The following PCDHA1 variants were observed in gnomAD, a reference collection of about 807,000 sequenced individuals.
PCDHA1 encodes protocadherin alpha-1.
A neutral mutation model predicts 61.3 loss-of-function variants in PCDHA1; 42 were observed. That is an observed-to-expected ratio of 0.69 (90% CI 0.54 to 0.89). The LOEUF is 0.89. Among genes scored for constraint, PCDHA1 ranks in the 40% least tolerant of loss-of-function variants. The probability of loss-of-function intolerance (pLI) is 0.00; values close to 1 mark genes in which losing one functional copy is unlikely to be tolerated. For synonymous variants in PCDHA1, 610 were observed against 553.8 expected (o/e 1.10, Z -1.43); for missense variants, 1,256 against 1,235.3 (o/e 1.02, Z -0.25).
At chr5:140,883,888 T>C (rs781919107) in intron 1 of PCDHA1, 12 of 1,612,946 alleles carry the variant, frequency 7.4e-6, no homozygotes, top group African/African-American at 5.4e-5. Flanking sequence ...CGCGCGACTC[T>C]GGCGTGCCGC....
intron 3 of PCDHA1, among the ~76,000 whole-genome samples, chr5:140,986,211 C>T (rs1257937611): frequency 1.3e-5 from 2 of 152,126 alleles, no homozygotes; most frequent in African/African-American, 2.4e-5. Flanking sequence ...GATTACTGGC[C>T]CCTTTCTCTA....
intron 1 of PCDHA1, among the ~76,000 whole-genome samples, chr5:140,961,327 AGAGACCAAGAGTG>A (rs1375426442): frequency 6.6e-6 from 1 of 152,206 alleles, no homozygotes. Context: ...CTGTTTCTTG[AGAGACCAAGAGTG>A]GATCCCTGTA....
intron 1 of PCDHA1, among the ~76,000 whole-genome samples, chr5:140,912,990 T>C (rs2076154668): frequency 6.6e-6 from 1 of 152,198 alleles, no homozygotes; most frequent in African/African-American, 2.4e-5. Context: ...GAATTCAGTT[T>C]GCTAGTATTT....
chr5:140,948,403 T>A (rs2153683270), intron 1 of PCDHA1, among the ~76,000 whole-genome samples: 1 of 151,756 alleles, frequency 6.6e-6, no homozygotes, highest in Non-Finnish European at 1.5e-5. Context: ...GGTTGTGTAA[T>A]ATTGGTGTTA....
At chr5:140,848,284 A>G (rs1378049676) in intron 1 of PCDHA1, 1 of 612,322 alleles carries the variant, frequency 1.6e-6, no homozygotes, top group Non-Finnish European at 2.9e-6. Flanking sequence ...ATGTACTTAC[A>G]CTTTGGGCCA....
chr5:140,994,667 T>G (rs2097644091), intron 3 of PCDHA1, among the ~76,000 whole-genome samples: 1 of 152,140 alleles, frequency 6.6e-6, no homozygotes, highest in Non-Finnish European at 1.5e-5. Flanking sequence ...ATCACACTAC[T>G]GCACTCCAGC....
intron 1 of PCDHA1, chr5:140,967,766 T>C: frequency 6.2e-7 from 1 of 1,614,218 alleles, no homozygotes; most frequent in Non-Finnish European, 8.5e-7. Flanking sequence ...CTACCAGATC[T>C]ATGTGCAGGC....
chr5:140,864,004 A>G (rs1042382501), intron 1 of PCDHA1: 4 of 153,124 alleles, frequency 2.6e-5, no homozygotes, highest in Non-Finnish European at 4.4e-5. Context: ...CTGTCTTAAA[A>G]AAAAAAGTAC....
intron 1 of PCDHA1, chr5:140,870,601 G>A (rs1554164453): frequency 1.2e-6 from 2 of 1,613,228 alleles, no homozygotes; most frequent in Admixed American, 1.7e-5. Context: ...GCGGTTGGGC[G>A]ACCGCGCGCT....
Position 141,009,916 on chromosome 5 carries a change from G to T in PCDHA1, c.2832G>T (p.Thr944=). The change falls in exon 4 of 4, where the codon ACG becomes ACT. Residue 944 remains threonine, a synonymous_variant. Coordinates refer to ENST00000504120, the MANE Select transcript of PCDHA1 (RefSeq NM_018900.4). ...AGAAAAAAGAGAAAGGGAACAGCAC[G>T]ACTGACAACAGTGACCAGTGAGGTC... ...TQEKKEKGNS[T]TDNSDQ The T allele has an allele frequency of 6.2e-7, 1 of 1,611,502 alleles. No individual in the cohort carries two copies. Among genetic ancestry groups the T allele is most frequent in the South Asian group, 1.1e-5 (1 of 90,550 alleles).
chr5:140,969,128 A>T (rs140518271), intron 1 of PCDHA1: 11 of 1,614,040 alleles, frequency 6.8e-6, no homozygotes, highest in Non-Finnish European at 9.3e-6. Context: ...TGGCTCCCTC[A>T]CCAAGACCTA....
intron 1 of PCDHA1, chr5:140,841,911 G>T: frequency 1.2e-6 from 2 of 1,613,886 alleles, no homozygotes; most frequent in Non-Finnish European, 1.7e-6. Context: ...CTCGTATTAA[G>T]AAAATCCTTG....
Position 140,850,315 on chromosome 5 carries a change from T to G in PCDHA1, c.2394+61631T>G, listed in dbSNP as rs2150479120. 2.9e-5 allele frequency: 47 copies of G among 1,597,110 alleles called. 5 individuals are homozygous for G. Among genetic ancestry groups the G allele is most frequent in the Non-Finnish European group, 3.9e-5 (45 of 1,167,642 alleles). On this transcript the variant is annotated intron_variant, in intron 1 of 3. Coordinates refer to ENST00000504120, the MANE Select transcript of PCDHA1 (RefSeq NM_018900.4). ...GCCGACTCGGGCTACAACGCGTGGC[T>G]TTCATACGAGCTGCAGCCAGAAACG... is the stretch of plus-strand genomic sequence containing the variant.
At chr5:140,800,606 A>T (rs1762579250) in intron 1 of PCDHA1, among the ~76,000 whole-genome samples, 1 of 152,212 alleles carries the variant, frequency 6.6e-6, no homozygotes, top group African/African-American at 2.4e-5. Context: ...CTTGAATCAG[A>T]TTGAAATCCC....
intron 1 of PCDHA1, chr5:140,862,278 C>G (rs1367349322): frequency 7.9e-6 from 2 of 252,960 alleles, no homozygotes; most frequent in Middle Eastern, 1.4e-3. Context: ...CTATCATTCC[C>G]TGTACAGGAG....
At chr5:140,895,968 G>C (rs190056652) in intron 1 of PCDHA1, among the ~76,000 whole-genome samples, 4 of 151,938 alleles carry the variant, frequency 2.6e-5, no homozygotes, top group African/African-American at 4.8e-5. Flanking sequence ...CTGTCACCAG[G>C]CCTAGCTAAT....
At position 140,815,675 on chromosome 5, in the gene PCDHA1, T is replaced by G. The variant is rs2126666284; in HGVS notation, c.2394+26991T>G. ...ATATATTTATCTTTACTAGTGAGCT[T>G]TATACTTTAATAAAATACCTATGTA... On this transcript the variant is annotated intron_variant, in intron 1 of 3. Coordinates refer to ENST00000504120, the MANE Select transcript of PCDHA1 (RefSeq NM_018900.4). 3 of 152,278 alleles carry G rather than the reference T, an allele frequency of 2.0e-5. No homozygotes were observed. In the South Asian group the frequency reaches 6.2e-4, roughly 32 times the overall value. The allele number at this position is 152,278 out of a possible 1,614,324, so 9.4% of individuals were successfully genotyped here. A position where few individuals can be genotyped will look rare whatever the true frequency, so the allele number is the denominator to read the frequency against.
rs782361309 is a variant in PCDHA1 at position 140,857,289 on chromosome 5, G to T, written c.2394+68605G>T. 3 of 1,598,578 alleles carry T rather than the reference G, an allele frequency of 1.9e-6. 1 individual carries two copies. Among genetic ancestry groups the T allele is most frequent in the Middle Eastern group, 1.7e-4 (1 of 5,944 alleles). ...TTGGTGCTGGACAGCGCTCTGGACC[G>T]CGAGAGGGTGTCGGCCTATGAGCTG... is the stretch of plus-strand genomic sequence containing the variant. On this transcript the variant is annotated intron_variant, in intron 1 of 3. Transcript: ENST00000504120.
At position 140,835,539 on chromosome 5, in the gene PCDHA1, A is replaced by C; in HGVS notation, c.2394+46855A>C. 3 of 1,613,960 alleles carry C rather than the reference A, an allele frequency of 1.9e-6. No individual in the cohort carries two copies. The East Asian group carries it at 6.7e-5, about 36-fold the overall frequency. On this transcript the variant is annotated intron_variant, in intron 1 of 3. Coordinates refer to ENST00000504120, the MANE Select transcript of PCDHA1 (RefSeq NM_018900.4). ...AGATTTTGGAGTCAACGGACAGGTT[A>C]CCTGCTCCCTGACGCCCCGCGTTCC... is the stretch of plus-strand genomic sequence containing the variant.
Sources: gnomAD v4.1 joint callset for allele counts (sites outside exome capture counted in the v4.1 genomes callset) on GRCh38, gnomAD v4.1.1 for gene constraint, MANE v1.5 for transcripts, NCBI Gene and HGNC (gene_info 2026-07-23, HGNC 2026-07-21) for gene names.